Variants in PALM2AKAP2 observed in about 807,000 individuals in gnomAD.
PALM2AKAP2 encodes the protein PALM2-AKAP2 fusion protein.
Under a neutral mutation model 71.5 loss-of-function variants are expected in PALM2AKAP2, and 37 were observed. The observed-to-expected ratio is 0.52, with a 90% confidence interval of 0.40 to 0.68. The LOEUF (loss-of-function observed/expected upper bound fraction) is 0.68, where lower values mean the gene tolerates loss of function less well. Among genes scored for constraint, PALM2AKAP2 ranks in the 30% least tolerant of loss-of-function variants. PALM2AKAP2 has a pLI of 0.00. For missense variants in PALM2AKAP2, 1,224 were observed against 1,191.8 expected (o/e 1.03, Z -0.40); for synonymous variants, 468 against 478.8 (o/e 0.98, Z 0.29).
chr9:109,876,014 A>T (rs1829712429), intron 2 of PALM2AKAP2, among the ~76,000 whole-genome samples: 1 of 152,138 alleles, frequency 6.6e-6, no homozygotes, highest in African/African-American at 2.4e-5. Flanking sequence ...CCTTGGGAGG[A>T]GTTTGAGACC....
chr9:109,838,065 C>T (rs555846150), intron 1 of PALM2AKAP2, among the ~76,000 whole-genome samples: 118 of 52,024 alleles, frequency 2.3e-3, no homozygotes, highest in African/African-American at 0.013. Flanking sequence ...CCCAAATCAA[C>T]AGAATATAAT....
intron 1 of PALM2AKAP2, among the ~76,000 whole-genome samples, chr9:109,769,432 T>G (rs1444690088): frequency 6.6e-6 from 1 of 152,218 alleles, no homozygotes; most frequent in African/African-American, 2.4e-5. Flanking sequence ...GGCTGCTTCC[T>G]CCTTATTAAT....
chr9:109,956,513 C>A (rs73539459), intron 6 of PALM2AKAP2, among the ~76,000 whole-genome samples: 1,901 of 152,254 alleles, frequency 0.012, 50 homozygotes, highest in African/African-American at 0.044. Flanking sequence ...AATTCCATTT[C>A]TTCAAGAACT....
chr9:110,040,194 T>C (rs1833486622), intron 7 of PALM2AKAP2, among the ~76,000 whole-genome samples: 1 of 152,246 alleles, frequency 6.6e-6, no homozygotes, highest in African/African-American at 2.4e-5. Flanking sequence ...GATTTTATGT[T>C]GGCCATGGTC....
At chr9:110,099,487 A>G (rs1834939698) in intron 1 of PALM2AKAP2, among the ~76,000 whole-genome samples, 1 of 152,030 alleles carries the variant, frequency 6.6e-6, no homozygotes, top group South Asian at 2.1e-4. Flanking sequence ...TTGGAAGGAT[A>G]CATAAGAAGG....
chr9:109,700,840 A>G (rs141857065), intron 1 of PALM2AKAP2, among the ~76,000 whole-genome samples: 32 of 152,256 alleles, frequency 2.1e-4, no homozygotes, highest in African/African-American at 7.5e-4. Context: ...CCACTCTCTT[A>G]TGTTTTCAAA....
chr9:110,008,778 C>T (rs1832827058), intron 6 of PALM2AKAP2, among the ~76,000 whole-genome samples: 1 of 152,078 alleles, frequency 6.6e-6, no homozygotes, highest in South Asian at 2.1e-4. Flanking sequence ...AACAGAATTG[C>T]CACTATCTAG....
At chr9:109,806,160 G>A (rs544721588) in intron 1 of PALM2AKAP2, among the ~76,000 whole-genome samples, 70 of 152,260 alleles carry the variant, frequency 4.6e-4, no homozygotes, top group Middle Eastern at 3.4e-3. Flanking sequence ...TGTAAAAGGT[G>A]GTATAAGTTC....
intron 1 of PALM2AKAP2, among the ~76,000 whole-genome samples, chr9:109,844,961 A>G (rs72753044): frequency 0.066 from 6,636 of 100,448 alleles, 178 homozygotes; most frequent in Middle Eastern, 0.15. Flanking sequence ...GTGTGTGTGC[A>G]TGTGCACACA....
chr9:109,994,331 A>G (rs1246433368), intron 6 of PALM2AKAP2, among the ~76,000 whole-genome samples: 1 of 152,208 alleles, frequency 6.6e-6, no homozygotes, highest in East Asian at 1.9e-4. Context: ...AGACTAGACA[A>G]ACAGTATCTG....
intron 7 of PALM2AKAP2, 28 bp downstream of exon 7, chr9:110,016,067 C>G (rs760619755): frequency 2.5e-6 from 4 of 1,603,600 alleles, no homozygotes; most frequent in Non-Finnish European, 3.4e-6. Context: ...GGTTGATTCT[C>G]AAAGTGTATC....
intron 1 of PALM2AKAP2, among the ~76,000 whole-genome samples, chr9:109,669,008 T>A (rs1473210079): frequency 6.6e-6 from 1 of 152,154 alleles, no homozygotes; most frequent in Non-Finnish European, 1.5e-5. Flanking sequence ...AAACCAGAGA[T>A]CATGGGTAAT....
chr9:109,825,389 T>C (rs1415907465), intron 1 of PALM2AKAP2, among the ~76,000 whole-genome samples: 1 of 152,240 alleles, frequency 6.6e-6, no homozygotes, highest in Non-Finnish European at 1.5e-5. Context: ...AAAGAGCTTC[T>C]GCACAGCAAA....
intron 7 of PALM2AKAP2, among the ~76,000 whole-genome samples, chr9:110,026,448 A>G (rs1339908557): frequency 6.6e-6 from 1 of 152,080 alleles, no homozygotes; most frequent in Non-Finnish European, 1.5e-5. Flanking sequence ...TAGCCTAATC[A>G]ATGCTATTTT....
At chr9:110,056,056 G>A (rs977208792) in intron 1 of PALM2AKAP2, among the ~76,000 whole-genome samples, 3 of 152,206 alleles carry the variant, frequency 2.0e-5, no homozygotes, top group African/African-American at 7.2e-5. Context: ...CCGTCACCCA[G>A]TAGGGGGCAG....
intron 1 of PALM2AKAP2, among the ~76,000 whole-genome samples, chr9:109,712,723 GC>G (rs1828260330): frequency 1.3e-5 from 2 of 152,170 alleles, no homozygotes; most frequent in African/African-American, 4.8e-5. Context: ...GCCCAGAAGA[GC>G]TTAGAGATCC....
At chr9:110,136,446 A>G (rs1371071672) in exon 2 of PALM2AKAP2, 1 of 1,614,030 alleles carries the variant, frequency 6.2e-7, no homozygotes, top group Non-Finnish European at 8.5e-7. Flanking sequence ...TCTGCTGTGG[A>G]TGGAACGTAC....
intron 1 of PALM2AKAP2, among the ~76,000 whole-genome samples, chr9:110,092,796 C>T (rs1221324208): frequency 6.6e-6 from 1 of 152,192 alleles, no homozygotes; most frequent in Non-Finnish European, 1.5e-5. Context: ...CTCTAGTAGA[C>T]TCTTGCTTGC....
chr9:110,095,166 T>C (rs184082256), intron 1 of PALM2AKAP2, among the ~76,000 whole-genome samples: 9 of 152,288 alleles, frequency 5.9e-5, no homozygotes, highest in Admixed American at 5.9e-4. Flanking sequence ...TTATGCCAAG[T>C]TTAAGTGCAA....
Sources: gnomAD v4.1 joint callset for allele counts (sites outside exome capture counted in the v4.1 genomes callset) on GRCh38, gnomAD v4.1.1 for gene constraint, MANE v1.5 for transcripts, NCBI Gene and HGNC (gene_info 2026-07-23, HGNC 2026-07-21) for gene names.